Variants in CPED1 observed in about 807,000 individuals in gnomAD.
CPED1 encodes cadherin like and PC-esterase domain containing 1.
Under a neutral mutation model 128.2 loss-of-function variants are expected in CPED1, and 114 were observed. The observed-to-expected ratio is 0.89, with a 90% CI of 0.76 to 1.04. The LOEUF (loss-of-function observed/expected upper bound fraction) is 1.04. CPED1 is among the 50% of genes least tolerant of loss of function. The probability of loss-of-function intolerance (pLI) is 0.00; values close to 1 mark genes in which losing one functional copy is unlikely to be tolerated. For missense variants in CPED1, 1,211 were observed against 1,207.1 expected, an observed-to-expected ratio of 1.00 and a Z score of -0.05; for synonymous variants, 462 against 426.7, an observed-to-expected ratio of 1.08 and a Z score of -1.02.
intron 5 of CPED1, among the ~76,000 whole-genome samples, chr7:121,097,309 A>G (rs1232887630): frequency 6.6e-6 from 1 of 152,142 alleles, no homozygotes; most frequent in African/African-American, 2.4e-5. Context: ...AATCAGCTCA[A>G]GTTTTCTATG....
intron 16 of CPED1, among the ~76,000 whole-genome samples, chr7:121,178,990 A>T (rs1463002648): frequency 6.6e-6 from 1 of 152,088 alleles, no homozygotes; most frequent in African/African-American, 2.4e-5. Flanking sequence ...AGAAGGTAGG[A>T]GAAAGTTTGG....
chr7:121,015,703 C>T lies in CPED1; in HGVS notation c.288C>T (p.Gly96=). ...TGGAGACACACTTTGGCAGCCATGG[C>T]CGAAGGGCCATACTCTACAGGCCTC... ...ESMETHFGSH[G]RRAILYRPPF... The change falls in exon 3 of 23, where the codon GGC becomes GGT. Residue 96 remains glycine, a synonymous_variant. Coordinates refer to ENST00000310396, the MANE Select transcript of CPED1 (RefSeq NM_024913.5). 6.2e-7 allele frequency: 1 copy of T among 1,603,158 alleles called. No individual in the cohort carries two copies. Among genetic ancestry groups the T allele is most frequent in the Non-Finnish European group, 8.5e-7 (1 of 1,176,656 alleles).
At chr7:121,021,369 T>C (rs146459079) in intron 3 of CPED1, among the ~76,000 whole-genome samples, 306 of 152,116 alleles carry the variant, frequency 2.0e-3, no homozygotes, top group African/African-American at 7.1e-3. Flanking sequence ...TATCACTTGA[T>C]ATTTAGTATA....
chr7:121,194,045 TATA>T (rs1238154282), intron 16 of CPED1, among the ~76,000 whole-genome samples: 10,238 of 77,958 alleles, frequency 0.13, 1,189 homozygotes, highest in Non-Finnish European at 0.15. Flanking sequence ...TATATATATA[TATA>T]TTTTTTTTTT....
intron 5 of CPED1, among the ~76,000 whole-genome samples, chr7:121,064,729 TTGTC>T (rs1177208031): frequency 6.6e-6 from 1 of 152,166 alleles, no homozygotes; most frequent in Non-Finnish European, 1.5e-5. Context: ...TCCTCTCAAT[TTGTC>T]TGTGTGTTAA....
At chr7:121,256,132 A>AAC (rs1210545913) in intron 18 of CPED1, among the ~76,000 whole-genome samples, 8 of 148,056 alleles carry the variant, frequency 5.4e-5, no homozygotes, top group Non-Finnish European at 7.5e-5. Flanking sequence ...AACAAAACAA[A>AAC]AAAAAAAAAC....
At chr7:121,106,567 T>G (rs1027464231) in intron 7 of CPED1, among the ~76,000 whole-genome samples, 2 of 152,090 alleles carry the variant, frequency 1.3e-5, no homozygotes, top group African/African-American at 4.8e-5. Context: ...TCCCTCCTTC[T>G]GGATGCTTGA....
intron 7 of CPED1, among the ~76,000 whole-genome samples, chr7:121,107,233 A>G (rs1794999224): frequency 6.6e-6 from 1 of 152,134 alleles, no homozygotes; most frequent in Admixed American, 6.6e-5. Context: ...ATTTAATTTT[A>G]TAAATCTTTA....
At chr7:121,188,610 T>G (rs1797057474) in intron 16 of CPED1, among the ~76,000 whole-genome samples, 1 of 152,056 alleles carries the variant, frequency 6.6e-6, no homozygotes, top group African/African-American at 2.4e-5. Flanking sequence ...ATTCCAAAAC[T>G]GAGCCTTGAG....
At chr7:121,246,293 T>G (rs929069888) in intron 18 of CPED1, among the ~76,000 whole-genome samples, 1 of 152,244 alleles carries the variant, frequency 6.6e-6, no homozygotes, top group African/African-American at 2.4e-5. Flanking sequence ...CTGTGGTAGA[T>G]GAATCAACTT....
intron 14 of CPED1, among the ~76,000 whole-genome samples, chr7:121,138,349 A>G (rs566249043): frequency 3.5e-4 from 53 of 152,184 alleles, no homozygotes; most frequent in African/African-American, 1.2e-3. Context: ...GATCTCAGGT[A>G]AGCTGGCCTG....
intron 16 of CPED1, among the ~76,000 whole-genome samples, chr7:121,145,110 C>T (rs1003102079): frequency 6.6e-6 from 1 of 151,270 alleles, no homozygotes; most frequent in Non-Finnish European, 1.5e-5. Context: ...TAAAATTATA[C>T]AATATATCAA....
Position 121,295,526 on chromosome 7 carries a change from TCAAAG to T in CPED1, c.2960_2964del (p.Ser987ThrfsTer25). The T allele has an allele frequency of 6.2e-7, 1 of 1,614,028 alleles. No individual in the cohort carries two copies. The highest frequency in any genetic ancestry group is 8.5e-7 in the Non-Finnish European group (1 of 1,179,908). On this transcript the variant is annotated frameshift_variant, in exon 23 of 23. Coordinates refer to ENST00000310396, the MANE Select transcript of CPED1 (RefSeq NM_024913.5). LOFTEE classifies it high-confidence loss of function. ...ATATCATGGGAAGATATTTCAGCAA[TCAAAG>T]CAAACTACAACAAGGCACTGTAACA...
chr7:121,169,743 A>G (rs1796608387), intron 16 of CPED1, among the ~76,000 whole-genome samples: 1 of 152,206 alleles, frequency 6.6e-6, no homozygotes, highest in African/African-American at 2.4e-5. Context: ...TGGCAACTAA[A>G]GTGATTCTTT....
intron 7 of CPED1, among the ~76,000 whole-genome samples, chr7:121,120,558 G>A (rs899542178): frequency 2.6e-5 from 4 of 152,028 alleles, no homozygotes; most frequent in South Asian, 2.1e-4. Flanking sequence ...ACTTTAGTAC[G>A]GTACAGTGCT....
At chr7:121,164,876 G>A (rs1796489032) in intron 16 of CPED1, among the ~76,000 whole-genome samples, 1 of 152,104 alleles carries the variant, frequency 6.6e-6, no homozygotes, top group South Asian at 2.1e-4. Context: ...ACCTTTTAGT[G>A]GTACTTCCCA....
In CPED1 at chr7:121,124,425, C is replaced by G. The variant is rs764125990; in HGVS notation, c.1013C>G (p.Ala338Gly). ...GCAATTGGCAAACTACTGCTAGCGG[C>G]TGAAGTATTCAGTGAAACATCTACT... The part of the protein sequence containing the change: ...KEAIGKLLLA[A>G]EVFSETSTLG... Residue 338 changes from alanine (A) to glycine (G), a missense_variant, in exon 8 of 23, where the codon GCT (alanine) becomes GGT (glycine). By Grantham distance (60) the Ala-to-Gly change is moderately conservative (BLOSUM62 0). Coordinates refer to ENST00000310396, the MANE Select transcript of CPED1 (RefSeq NM_024913.5). The G allele has an allele frequency of 4.4e-6, 7 of 1,602,368 alleles. No homozygotes were observed. The East Asian group carries it at 1.6e-4, about 36-fold the overall frequency.
At chr7:121,260,419 G>C (rs1249210354) in intron 18 of CPED1, among the ~76,000 whole-genome samples, 3 of 151,844 alleles carry the variant, frequency 2.0e-5, no homozygotes, top group Non-Finnish European at 2.9e-5. Context: ...TGTTGAGCTA[G>C]TTTTTCATCA....
At chr7:121,100,367 A>C (rs1323213972) in intron 7 of CPED1, among the ~76,000 whole-genome samples, 1 of 152,206 alleles carries the variant, frequency 6.6e-6, no homozygotes, top group Non-Finnish European at 1.5e-5. Context: ...TTACAGAGCT[A>C]GTTCACAGCT....
Sources: gnomAD v4.1 joint callset for allele counts (sites outside exome capture counted in the v4.1 genomes callset) on GRCh38, gnomAD v4.1.1 for gene constraint, MANE v1.5 for transcripts, NCBI Gene and HGNC (gene_info 2026-07-23, HGNC 2026-07-21) for gene names.